Variants in SYNE1 observed in about 807,000 individuals in gnomAD.
SYNE1 encodes the protein spectrin repeat containing nuclear envelope protein 1, also known as nesprin-1.
Under a neutral mutation model 1,111.0 loss-of-function variants are expected in SYNE1, and 616 were observed. The observed-to-expected ratio is 0.55, with a 90% CI of 0.52 to 0.59. SYNE1 has a LOEUF of 0.59. Ranked by LOEUF, SYNE1 falls within the 20% of genes least tolerant of loss-of-function variation. The pLI is 0.00. For synonymous variants in SYNE1, 3,855 were observed against 3,825.8 expected (o/e 1.01, Z -0.28); for missense variants, 10,006 against 10,417.0 (o/e 0.96, Z 1.72).
At chr6:152,615,794 T>C (rs2099644352) in intron 3 of SYNE1, among the ~76,000 whole-genome samples, 1 of 152,230 alleles carries the variant, frequency 6.6e-6, no homozygotes, top group Admixed American at 6.5e-5. Flanking sequence ...CTCAAGAGTT[T>C]GGCAATTCTT....
At chr6:152,302,397 C>G (rs1408459) in intron 91 of SYNE1, 12 of 411,674 alleles carry the variant, frequency 2.9e-5, no homozygotes, top group South Asian at 2.2e-4. Context: ...ACTGACAACT[C>G]TCTTTAAAAG....
Position 152,302,028 on chromosome 6 carries a change from C to A in SYNE1, c.17382G>T (p.Gln5794His), listed in dbSNP as rs1346982643. 6.2e-7 allele frequency: 1 copy of A among 1,614,160 alleles called. No individual in the cohort carries two copies. The highest frequency in any genetic ancestry group is 8.5e-7 in the Non-Finnish European group (1 of 1,180,054). Residue 5794 changes from glutamine (Q) to histidine (H), a missense_variant, in exon 92 of 146, where the codon CAG becomes CAT. Physicochemically the swap from Gln to His is conservative, Grantham distance 24 (BLOSUM62 0). Coordinates refer to ENST00000367255, the MANE Select transcript of SYNE1 (RefSeq NM_182961.4). ...TGCACTTGGAATTCAAAGAAGCGAT[C>A]TGCTCCTGGTAGCCCTTAATTTTCT... Reference protein sequence around the residue: ...LAQKIKGYQEQIASLNSKCKM... With the variant: ...LAQKIKGYQEHIASLNSKCKM...
chr6:152,382,299 A>C (rs1380441567), intron 55 of SYNE1, among the ~76,000 whole-genome samples: 1 of 152,212 alleles, frequency 6.6e-6, no homozygotes, highest in East Asian at 1.9e-4. Flanking sequence ...ATCAGGCACA[A>C]AAATGTTCAA....
intron 91 of SYNE1, chr6:152,302,288 G>A: frequency 3.2e-6 from 2 of 621,096 alleles, no homozygotes; most frequent in Non-Finnish European, 5.7e-6. Flanking sequence ...CCGCGTCCCC[G>A]CGTCGGTACA....
At chr6:152,549,766 A>AT (rs1244973337) in intron 3 of SYNE1, among the ~76,000 whole-genome samples, 2 of 151,418 alleles carry the variant, frequency 1.3e-5, no homozygotes, top group East Asian at 1.9e-4. Flanking sequence ...GACTGCTTCA[A>AT]TTTTTTTTTC....
intron 106 of SYNE1, among the ~76,000 whole-genome samples, chr6:152,243,388 T>C (rs1226777716): frequency 2.0e-5 from 3 of 152,192 alleles, no homozygotes; most frequent in African/African-American, 7.2e-5. Context: ...TGGTGGAGTA[T>C]ATAACTATTT....
chr6:152,189,168 C>G (rs2071451817), intron 128 of SYNE1, 84 bp downstream of exon 128: 1 of 1,462,900 alleles, frequency 6.8e-7, no homozygotes, highest in Admixed American at 1.7e-5. Context: ...GCCGGGTCCA[C>G]ATGTGGGTTA....
intron 45 of SYNE1, 55 bp downstream of exon 45, chr6:152,406,959 A>C: frequency 1.4e-6 from 2 of 1,382,686 alleles, no homozygotes; most frequent in Non-Finnish European, 1.9e-6. Context: ...TTTTTTTTTC[A>C]TATTCTGGTC....
chr6:152,178,342 A>G (rs566569361), intron 129 of SYNE1, among the ~76,000 whole-genome samples: 3 of 152,334 alleles, frequency 2.0e-5, no homozygotes, highest in Admixed American at 6.5e-5. Flanking sequence ...CACTGACAGC[A>G]TTCTCTGACA....
chr6:152,394,010 T>C (rs1240728268), intron 51 of SYNE1, among the ~76,000 whole-genome samples: 1 of 152,152 alleles, frequency 6.6e-6, no homozygotes, highest in African/African-American at 2.4e-5. Flanking sequence ...CGTTGTGTGA[T>C]GTTCCCCTCC....
intron 130 of SYNE1, among the ~76,000 whole-genome samples, chr6:152,171,205 C>T (rs1200464718): frequency 1.3e-5 from 2 of 152,206 alleles, no homozygotes; most frequent in African/African-American, 4.8e-5. Context: ...TATTATGATT[C>T]TCATTTTATA....
intron 76 of SYNE1, 25 bp downstream of exon 76, chr6:152,336,816 C>T: frequency 6.2e-7 from 1 of 1,610,216 alleles, no homozygotes; most frequent in East Asian, 2.2e-5. Context: ...TCTTTTATCT[C>T]CCTTGGGGGC....
rs1028807721 is a variant in SYNE1, at chr6:152,152,208, T to G, written c.24130-67A>C. 77 of 1,414,460 alleles carry G rather than the reference T, an allele frequency of 5.4e-5. No individual in the cohort carries two copies. In the African/African-American group the frequency reaches 1.0e-3, roughly 19 times the overall value. The allele number at this position is 1,414,460 out of a possible 1,614,324, so 87.6% of individuals were successfully genotyped here. A position where few individuals can be genotyped will look rare whatever the true frequency, so the allele number is the denominator to read the frequency against. The stretch of plus-strand genomic sequence containing the variant: ...AGGACTCTCAGTAGTGGCTCCTGGT[T>G]TTCTTATTGTAGCGTCTGGGAGAAT... On this transcript the variant is annotated intron_variant, in intron 133 of 145. Transcript: ENST00000367255.
intron 95 of SYNE1, among the ~76,000 whole-genome samples, chr6:152,289,800 G>T (rs1052089738): frequency 6.6e-6 from 1 of 151,972 alleles, no homozygotes; most frequent in Non-Finnish European, 1.5e-5. Context: ...CTAAGTTTTT[G>T]TATTTTTAGT....
intron 101 of SYNE1, among the ~76,000 whole-genome samples, chr6:152,261,110 C>A (rs902130392): frequency 3.3e-5 from 5 of 152,210 alleles, no homozygotes; most frequent in African/African-American, 1.2e-4. Context: ...GGTTTAGCCT[C>A]TCCCAGCCCC....
intron 140 of SYNE1, among the ~76,000 whole-genome samples, chr6:152,137,328 C>T (rs1384252768): frequency 2.0e-5 from 3 of 152,042 alleles, no homozygotes. Flanking sequence ...GAGGTTCAAC[C>T]ACAACAAAAT....
At chr6:152,582,200 C>T (rs1466974619) in intron 3 of SYNE1, among the ~76,000 whole-genome samples, 1 of 152,116 alleles carries the variant, frequency 6.6e-6, no homozygotes, top group Non-Finnish European at 1.5e-5. Flanking sequence ...ACTCTGAATA[C>T]CTTCAGCTCT....
chr6:152,536,429 A>ATTAC (rs2099241703), intron 4 of SYNE1, among the ~76,000 whole-genome samples: 1 of 136,884 alleles, frequency 7.3e-6, no homozygotes, highest in African/African-American at 2.8e-5. Context: ...ATATTTATAT[A>ATTAC]TATAACTATA....
intron 41 of SYNE1, among the ~76,000 whole-genome samples, chr6:152,414,859 T>C (rs2098128503): frequency 6.6e-6 from 1 of 152,166 alleles, no homozygotes; most frequent in South Asian, 2.1e-4. Flanking sequence ...CTCTTTATTC[T>C]GGAGGCTATT....
Sources: gnomAD v4.1 joint callset for allele counts (sites outside exome capture counted in the v4.1 genomes callset) on GRCh38, gnomAD v4.1.1 for gene constraint, MANE v1.5 for transcripts, NCBI Gene and HGNC (gene_info 2026-07-23, HGNC 2026-07-21) for gene names.